The following CLVS1 variants were observed in gnomAD, a reference collection of about 807,000 sequenced individuals.
CLVS1 encodes clavesin-1.
Under a neutral mutation model 33.1 loss-of-function variants are expected in CLVS1, and 10 were observed. That is an observed-to-expected ratio of 0.30 (90% CI 0.19 to 0.51). The LOEUF is 0.51. Ranked by LOEUF, CLVS1 falls within the 20% of genes least tolerant of loss-of-function variation. CLVS1 has a pLI of 0.97. For missense variants in CLVS1, 343 were observed against 433.4 expected (o/e 0.79, Z 1.85); for synonymous variants, 163 against 166.1 (o/e 0.98, Z 0.14).
rs181521444 is a variant in CLVS1, at chr8:61,223,510, C to T, written c.-151-76167C>T. Among the ~76,000 whole-genome samples the T allele has an allele frequency of 6.6e-3, 1,011 of 152,296 alleles. 4 individuals carry two copies. The highest frequency in any genetic ancestry group is 0.034 in the Middle Eastern group (10 of 294). Reference sequence around the variant, plus strand: ...TAAGAATGTCGAATATTGGCCCTCACTCTCTTCTGGCTTGTAGGGTTTCTG... The same window carrying T: ...TAAGAATGTCGAATATTGGCCCTCATTCTCTTCTGGCTTGTAGGGTTTCTG... On this transcript the variant is annotated intron_variant, in intron 2 of 2. Coordinates refer to the CLVS1 transcript ENST00000522621.
the CLVS1 span, among the ~76,000 whole-genome samples, chr8:60,988,574 A>C: frequency 1.3e-5 from 2 of 152,362 alleles, no homozygotes; most frequent in South Asian, 4.1e-4. Flanking sequence ...CAGAGCAATA[A>C]AATTTATTCT....
intron 2 of CLVS1, among the ~76,000 whole-genome samples, chr8:61,243,169 T>C (rs754158437): frequency 6.6e-6 from 1 of 152,256 alleles, no homozygotes; most frequent in African/African-American, 2.4e-5. Flanking sequence ...AATTTTCTCA[T>C]GCCAGCAATG....
At chr8:61,492,980 C>T (rs746777912) in intron 5 of CLVS1, among the ~76,000 whole-genome samples, 10 of 152,128 alleles carry the variant, frequency 6.6e-5, no homozygotes, top group African/African-American at 1.7e-4. Flanking sequence ...AGGTCACTAT[C>T]GAATGCATTA....
At chr8:61,210,172 A>G (rs968563052) in intron 2 of CLVS1, among the ~76,000 whole-genome samples, 6 of 152,246 alleles carry the variant, frequency 3.9e-5, no homozygotes, top group African/African-American at 1.4e-4. Context: ...GATAGTATTA[A>G]GAGGTGGAAT....
At chr8:61,008,751 G>A in the CLVS1 span, among the ~76,000 whole-genome samples, 1 of 152,326 alleles carries the variant, frequency 6.6e-6, no homozygotes, top group East Asian at 1.9e-4. Flanking sequence ...CTGCAAAAAT[G>A]CTGCAGGAAT....
At chr8:61,193,899 T>C (rs959017665) in intron 2 of CLVS1, among the ~76,000 whole-genome samples, 2 of 152,108 alleles carry the variant, frequency 1.3e-5, no homozygotes, top group Non-Finnish European at 2.9e-5. Context: ...ATTAAAACGA[T>C]AAAACACGTA....
At chr8:61,029,590 CT>C in the CLVS1 span, among the ~76,000 whole-genome samples, 28,282 of 147,500 alleles carry the variant, frequency 0.19, 3,410 homozygotes, top group African/African-American at 0.34. Flanking sequence ...AAACAAATTT[CT>C]TTTTTTTTTT....
the CLVS1 span, among the ~76,000 whole-genome samples, chr8:61,018,299 T>C: frequency 6.6e-6 from 1 of 152,236 alleles, no homozygotes; most frequent in Non-Finnish European, 1.5e-5. Context: ...CTGTCGCTTA[T>C]AATTTAATGT....
intron 1 of CLVS1, among the ~76,000 whole-genome samples, chr8:61,083,562 G>T (rs1805063401): frequency 6.6e-6 from 1 of 152,128 alleles, no homozygotes. Context: ...AACGTGAACA[G>T]AATAGGAGCC....
In CLVS1 at chr8:61,211,064, C is replaced by T. The variant is rs76113216; in HGVS notation, c.-152+79204C>T. ...AGGGCTTAAAGAAATGCCAAGTGGT[C>T]AACCATGTACAATGCAGTGAAGAGA... On this transcript the variant is annotated intron_variant, in intron 2 of 2. Transcript: ENST00000522621. 2.5e-3 allele frequency among the ~76,000 whole-genome samples: 381 copies of T among 152,172 alleles called. 1 individual carries two copies. The highest frequency in any genetic ancestry group is 4.5e-3 in the Non-Finnish European group (304 of 68,002).
chr8:61,458,856 T>A (rs573720858), intron 5 of CLVS1, among the ~76,000 whole-genome samples: 59 of 152,326 alleles, frequency 3.9e-4, no homozygotes, highest in Non-Finnish European at 7.6e-4. Context: ...TGAGATACAC[T>A]AGGTGGAAAA....
intron 2 of CLVS1, among the ~76,000 whole-genome samples, chr8:61,177,120 G>C (rs913626799): frequency 5.3e-5 from 8 of 152,190 alleles, no homozygotes; most frequent in Non-Finnish European, 7.3e-5. Context: ...CCATTTCTAT[G>C]GCTCCAGGCA....
intron 2 of CLVS1, among the ~76,000 whole-genome samples, chr8:61,160,878 T>A (rs1322260695): frequency 1.3e-5 from 2 of 152,180 alleles, no homozygotes; most frequent in Non-Finnish European, 2.9e-5. Flanking sequence ...TGCTGTCAGT[T>A]TAGCAAGAAT....
At chr8:61,063,147 G>T (rs1341614499) in intron 1 of CLVS1, among the ~76,000 whole-genome samples, 1 of 152,046 alleles carries the variant, frequency 6.6e-6, no homozygotes, top group African/African-American at 2.4e-5. Flanking sequence ...GTAAGACAAA[G>T]GCTTTGCTCT....
chr8:61,218,030 G>A (rs1034953808), intron 2 of CLVS1, among the ~76,000 whole-genome samples: 1 of 152,018 alleles, frequency 6.6e-6, no homozygotes, highest in African/African-American at 2.4e-5. Context: ...ATGGAGAAAC[G>A]GGGACTCATA....
At chr8:61,285,165 C>T (rs1358646891), upstream of CLVS1, among the ~76,000 whole-genome samples, 4 of 152,040 alleles carry the variant, frequency 2.6e-5, no homozygotes, top group East Asian at 7.7e-4. Flanking sequence ...AAAGTAGGCC[C>T]AAAACTAGCA....
chr8:61,053,679 G>C (rs1804424185), upstream of CLVS1, among the ~76,000 whole-genome samples: 1 of 152,126 alleles, frequency 6.6e-6, no homozygotes, highest in Non-Finnish European at 1.5e-5. Flanking sequence ...GCTCAAGCTG[G>C]GCCAATTAGA....
the CLVS1 span, among the ~76,000 whole-genome samples, chr8:61,033,161 A>AAGAAAGAC: frequency 1.1e-5 from 1 of 92,130 alleles, no homozygotes; most frequent in Non-Finnish European, 2.3e-5. Flanking sequence ...GAAAGAAAGA[A>AAGAAAGAC]AAAGAAAGAA....
chr8:61,420,128 T>A (rs973890397), intron 3 of CLVS1, among the ~76,000 whole-genome samples: 7 of 152,214 alleles, frequency 4.6e-5, no homozygotes, highest in Non-Finnish European at 5.9e-5. Context: ...ATTCAAATTC[T>A]GACTCCAAAG....
Sources: allele counts gnomAD v4.1 joint callset (sites outside exome capture counted in the v4.1 genomes callset), GRCh38; gene constraint gnomAD v4.1.1; transcripts MANE v1.5; gene names NCBI Gene and HGNC (gene_info 2026-07-23, HGNC 2026-07-21).